LIPE: variants seen among roughly 807,000 people sequenced by gnomAD.
The protein encoded by LIPE is lipase E, hormone sensitive type.
LIPE carries 66 observed loss-of-function variants against 88.5 expected under a neutral mutation model. The ratio of observed to expected loss-of-function variants is 0.75; its 90% CI spans 0.61 to 0.91. The LOEUF (loss-of-function observed/expected upper bound fraction) is 0.91, where lower values mean the gene tolerates loss of function less well. Ranked by LOEUF, LIPE falls within the 40% of genes least tolerant of loss-of-function variation. The pLI is 0.00. For synonymous variants in LIPE, 570 were observed against 617.5 expected, an observed-to-expected ratio of 0.92 and a Z score of 1.14; for missense variants, 1,346 against 1,434.7, an observed-to-expected ratio of 0.94 and a Z score of 1.00.
intron 2 of LIPE, among the ~76,000 whole-genome samples, chr19:42,409,485 G>A (rs1477814336): frequency 6.6e-6 from 1 of 152,122 alleles, no homozygotes; most frequent in Admixed American, 6.5e-5. Flanking sequence ...GGATTGGCGG[G>A]TTCTTCTGTT....
At chr19:42,423,001 T>C in intron 1 of LIPE, 1 of 189,840 alleles carries the variant, frequency 5.3e-6, no homozygotes, top group Non-Finnish European at 1.1e-5. Flanking sequence ...ACCGCTAGAC[T>C]TCCTCTTTGA....
At position 42,408,698 on chromosome 19, in the gene LIPE, G is replaced by GGCTCAT. The variant is rs1168049142; in HGVS notation, c.1420-377_1420-376insATGAGC. 2.6e-5 allele frequency among the ~76,000 whole-genome samples: 4 copies of GGCTCAT among 151,866 alleles called. No homozygotes were observed. Among genetic ancestry groups the GGCTCAT allele is most frequent in the African/African-American group, 9.7e-5 (4 of 41,362 alleles). On this transcript the variant is annotated intron_variant, in intron 2 of 9. Coordinates refer to ENST00000244289, the MANE Select transcript of LIPE (RefSeq NM_005357.4). This position sits in a 1 kb window ranked among gnomAD's most constrained non-coding sequence, Gnocchi z 4.3. ...CTGCACAGGGAACAGAGAGCATGAA[G>GGCTCAT]GCTTAAAGGTGAGCTCATAGGAGGC...
Position 42,406,579 on chromosome 19 carries a change from G to C in LIPE, c.2138-191C>G, listed in dbSNP as rs1345182938. Among the ~76,000 whole-genome samples, 1 of 152,246 alleles carries C rather than the reference G, an allele frequency of 6.6e-6. No homozygotes were observed. The highest frequency in any genetic ancestry group is 2.4e-5 in the African/African-American group (1 of 41,462). On this transcript the variant is annotated intron_variant, in intron 6 of 9. Transcript: ENST00000244289. This position sits in a 1 kb window ranked among gnomAD's most constrained non-coding sequence, Gnocchi z 5.7. Reference sequence around the variant, plus strand: ...GATTTGGGCTCATGTGGTAGACAGAGGGTCAGGATGACTCAGGACCTGGAG... The same window carrying C: ...GATTTGGGCTCATGTGGTAGACAGACGGTCAGGATGACTCAGGACCTGGAG...
Position 42,408,391 on chromosome 19 carries a change from CAGGG to C in LIPE, c.1420-73_1420-70del. On this transcript the variant is annotated intron_variant, in intron 2 of 9. Coordinates refer to ENST00000244289, the MANE Select transcript of LIPE (RefSeq NM_005357.4). The surrounding 1 kb of genome is among the most constrained non-coding windows in gnomAD (Gnocchi z 4.3). ...ATGGGGACAGGGCAGGAGCGAGGCA[CAGGG>C]ATGTGCGGGGAAGACACATTCATTC... 1 of 1,269,832 alleles carries C rather than the reference CAGGG, an allele frequency of 7.9e-7. No individual in the cohort carries two copies. Among genetic ancestry groups the C allele is most frequent in the African/African-American group, 1.5e-5 (1 of 68,344 alleles). 78.7% of individuals were successfully genotyped at this position (1,269,832 alleles called of 1,614,324 possible).
chr19:42,422,354 C>T (rs891379436), intron 1 of LIPE, among the ~76,000 whole-genome samples: 1 of 152,218 alleles, frequency 6.6e-6, no homozygotes, highest in African/African-American at 2.4e-5. Context: ...GGATCTCCGA[C>T]GCCCACGTTT....
chr19:42,401,838 C>CGCA lies in LIPE; in HGVS notation c.3204_3205insTGC (p.Val1068_Asp1069insCys). The CGCA allele has an allele frequency of 6.7e-7, 1 of 1,497,860 alleles. No individual in the cohort carries two copies. Among genetic ancestry groups the CGCA allele is most frequent in the Non-Finnish European group, 8.9e-7 (1 of 1,124,776 alleles). 92.8% of individuals were successfully genotyped at this position (1,497,860 alleles called of 1,614,324 possible). A position where few individuals can be genotyped will look rare whatever the true frequency, so the allele number is the denominator to read the frequency against. ...TAGTGTCGCCCCCCGCAGCCCCCGTCTACCCCCGCAGCCCCCGTCTCCCCG... is the reference window on the plus strand; with the variant it reads ...TAGTGTCGCCCCCCGCAGCCCCCGTCGCATACCCCCGCAGCCCCCGTCTCCCCG... On this transcript the variant is annotated inframe_insertion, in exon 10 of 10. Transcript: ENST00000244289.
In LIPE at chr19:42,401,981, T is replaced by C; in HGVS notation, c.3062A>G (p.Asp1021Gly). 6.4e-7 allele frequency: 1 copy of C among 1,555,330 alleles called. No individual in the cohort carries two copies. The highest frequency in any genetic ancestry group is 8.7e-7 in the Non-Finnish European group (1 of 1,152,830). The change falls in exon 10 of 10, where the codon GAC becomes GGC. Residue 1021 changes from aspartate to glycine, a missense_variant. Asp to Gly is a moderately conservative substitution (Grantham distance 94). Transcript: ENST00000244289. ...TAGGGTCAGGAAGCCGTGCGGCAGGTCCTCCACCACGCGCAGCGTCACCGG... is the reference window on the plus strand; with the variant it reads ...TAGGGTCAGGAAGCCGTGCGGCAGGCCCTCCACCACGCGCAGCGTCACCGG... ...GQPVTLRVVE[D>G]LPHGFLTLAA... is the part of the protein sequence containing the mutation.
chr19:42,427,097 T>C lies in LIPE; in HGVS notation c.53A>G (p.His18Arg). The C allele has an allele frequency of 4.3e-6, 7 of 1,612,994 alleles. No homozygotes were observed. The highest frequency in any genetic ancestry group is 5.9e-6 in the Non-Finnish European group (7 of 1,179,780). ...CTCTAGCGGGGTTATAGGCCTCTGGTGTGGTTCAGGTTGCCAGTCTGACCT... is the reference window on the plus strand; with the variant it reads ...CTCTAGCGGGGTTATAGGCCTCTGGCGTGGTTCAGGTTGCCAGTCTGACCT... ...VSRSDWQPEP[H>R]QRPITPLEPG... Residue 18 changes from histidine to arginine, a missense_variant, in exon 1 of 10, where the codon CAC becomes CGC. His to Arg is a conservative substitution (Grantham distance 29). Coordinates refer to ENST00000244289, the MANE Select transcript of LIPE (RefSeq NM_005357.4).
Position 42,410,103 on chromosome 19 carries a change from C to T in LIPE, c.1419+204G>A, listed in dbSNP as rs922665432. 6.6e-6 allele frequency among the ~76,000 whole-genome samples: 1 copy of T among 152,218 alleles called. No individual in the cohort carries two copies. The highest frequency in any genetic ancestry group is 2.4e-5 in the African/African-American group (1 of 41,442). ...CTCTGCAAGTTGCATTTCTTACCAC[C>T]TAGCAGATATGACCTAGGGACCATG... is the stretch of plus-strand genomic sequence containing the variant. On this transcript the variant is annotated intron_variant, in intron 2 of 9. Coordinates refer to ENST00000244289, the MANE Select transcript of LIPE (RefSeq NM_005357.4). This position sits in a 1 kb window ranked among gnomAD's most constrained non-coding sequence, Gnocchi z 6.1.
rs35091338 is a variant in LIPE at position 42,412,348 on chromosome 19, G to A, written c.884-1506C>T. 1.7e-3 allele frequency: 1,680 copies of A among 985,858 alleles called. 27 individuals carry two copies. In the African/African-American group the frequency reaches 0.027, roughly 16 times the overall value. The allele number at this position is 985,858 out of a possible 1,614,324, so 61.1% of individuals were successfully genotyped here. ...TGGCAGCGGCCATTCCCGTCTCTCA[G>A]CTGGCTGGACACTCACCCCTCCTAG... On this transcript the variant is annotated intron_variant, in intron 1 of 9. Coordinates refer to ENST00000244289, the MANE Select transcript of LIPE (RefSeq NM_005357.4).
intron 1 of LIPE, chr19:42,412,475 G>A (rs1800966): frequency 3.0e-6 from 3 of 985,868 alleles, no homozygotes; most frequent in African/African-American, 1.7e-5. Flanking sequence ...TGCCCAGGGT[G>A]TAGCCGCACA....
In LIPE at chr19:42,401,815, G is replaced by A; in HGVS notation, c.3228C>T (p.His1076=). The change falls in exon 10 of 10, where the codon CAC becomes CAT. Residue 1076 remains histidine (H), a synonymous_variant. Coordinates refer to ENST00000244289, the MANE Select transcript of LIPE (RefSeq NM_005357.4). ...CGCAGATGGGAACAACAGGCTTTTA[G>A]TGTCGCCCCCCGCAGCCCCCGTCTA... is the stretch of plus-strand genomic sequence containing the variant. The part of the protein sequence containing the change: ...AGVDGGCGGR[H] The A allele has an allele frequency of 6.7e-7, 1 of 1,494,896 alleles. No individual in the cohort carries two copies. The highest frequency in any genetic ancestry group is 1.3e-5 in the South Asian group (1 of 75,626). The allele number at this position is 1,494,896 out of a possible 1,614,324, so 92.6% of individuals were successfully genotyped here. A position where few individuals can be genotyped will look rare whatever the true frequency, so the allele number is the denominator to read the frequency against.
chr19:42,426,780 T>C lies in LIPE; in HGVS notation c.370A>G (p.Ile124Val), dbSNP rs759110439. 5.6e-6 allele frequency: 9 copies of C among 1,614,074 alleles called. No homozygotes were observed. The highest frequency in any genetic ancestry group is 1.3e-5 in the African/African-American group (1 of 74,924). ...QQGPGLGKES[I>V]TQQEPALRQR... ...CTCAATGCTGGCTCCTGTTGAGTTA[T>C]AGATTCTTTTCCTAGCCCAGGTCCC... The change falls in exon 1 of 10, where the codon ATA becomes GTA. Residue 124 changes from isoleucine (I) to valine (V), a missense_variant. Physicochemically the swap from Ile to Val is conservative, Grantham distance 29 (BLOSUM62 3). Coordinates refer to ENST00000244289, the MANE Select transcript of LIPE (RefSeq NM_005357.4).
chr19:42,403,597 G>A (rs2040070468), intron 8 of LIPE, among the ~76,000 whole-genome samples: 1 of 151,318 alleles, frequency 6.6e-6, no homozygotes. Flanking sequence ...ATAGGCATGT[G>A]CCACCATGCC....
In LIPE at chr19:42,405,494, C is replaced by G; in HGVS notation, c.2433G>C (p.Arg811=). 1 of 1,614,092 alleles carries G rather than the reference C, an allele frequency of 6.2e-7. No homozygotes were observed. The highest frequency in any genetic ancestry group is 8.5e-7 in the Non-Finnish European group (1 of 1,179,974). Residue 811 remains arginine (R), a synonymous_variant, in exon 8 of 10, where the codon CGG becomes CGC. Coordinates refer to ENST00000244289, the MANE Select transcript of LIPE (RefSeq NM_005357.4). ...KALGMMGLVR[R]DTALLLRDFR... is the part of the protein sequence containing the mutation. ...AGTCTCGGAGGAGCAGGGCTGTGTC[C>G]CGCCGCACCAGCCCCATCATGCCGA...
chr19:42,415,593 G>A (rs916359517), intron 1 of LIPE, among the ~76,000 whole-genome samples: 1 of 151,810 alleles, frequency 6.6e-6, no homozygotes, highest in East Asian at 2.0e-4. Flanking sequence ...GGCGGATCAC[G>A]AAGTCAGGAG....
At chr19:42,425,866 G>A (rs2040696984) in intron 1 of LIPE, among the ~76,000 whole-genome samples, 1 of 152,114 alleles carries the variant, frequency 6.6e-6, no homozygotes, top group Non-Finnish European at 1.5e-5. Flanking sequence ...GCAGTGGCAC[G>A]ATCTCAGCTC....
chr19:42,409,400 C>CAAAAAAAAAAA (rs760628566), intron 2 of LIPE, among the ~76,000 whole-genome samples: 33 of 72,796 alleles, frequency 4.5e-4, no homozygotes, highest in East Asian at 2.0e-3. Flanking sequence ...AAACAAAATA[C>CAAAAAAAAAAA]AAAAAAAAAA....
chr19:42,419,569 G>T (rs1387461666), intron 1 of LIPE, among the ~76,000 whole-genome samples: 1 of 152,218 alleles, frequency 6.6e-6, no homozygotes, highest in Non-Finnish European at 1.5e-5. Flanking sequence ...AGGGCAGAGG[G>T]GATTTGGCTT....
Sources: gnomAD v4.1 joint callset for allele counts (sites outside exome capture counted in the v4.1 genomes callset) on GRCh38, gnomAD v4.1.1 for gene constraint, Gnocchi (gnomAD v3.1) non-coding constraint, MANE v1.5 for transcripts, NCBI Gene and HGNC (gene_info 2026-07-23, HGNC 2026-07-21) for gene names.